ERCC6L2: variants seen among roughly 807,000 people sequenced by gnomAD.
ERCC6L2 encodes ERCC excision repair 6 like 2.
A neutral mutation model predicts 132.0 loss-of-function variants in ERCC6L2; 77 were observed. The observed-to-expected ratio is 0.58, with a 90% confidence interval of 0.49 to 0.71. The LOEUF (loss-of-function observed/expected upper bound fraction) is 0.71. Ranked by LOEUF, ERCC6L2 falls within the 30% of genes least tolerant of loss-of-function variation. ERCC6L2 has a pLI of 0.00. For synonymous variants in ERCC6L2, 583 were observed against 632.4 expected, an observed-to-expected ratio of 0.92 and a Z score of 1.17; for missense variants, 1,542 against 1,837.6, an observed-to-expected ratio of 0.84 and a Z score of 2.94.
intron 13 of ERCC6L2, among the ~76,000 whole-genome samples, chr9:95,959,518 A>G (rs1831798774): frequency 6.6e-6 from 1 of 152,086 alleles, no homozygotes; most frequent in African/African-American, 2.4e-5. Flanking sequence ...ACAAAAGCCA[A>G]AATTGACAGA....
rs768311990 is a variant in ERCC6L2 at position 95,928,073 on chromosome 9, T to C, written c.1534-6T>C. On this transcript the variant is annotated splice_region_variant and splice_polypyrimidine_tract_variant and intron_variant, in intron 9 of 18. Coordinates refer to ENST00000653738, the MANE Select transcript of ERCC6L2 (RefSeq NM_020207.7). ...GGTTCACTGATTTTCTGTGGTTCAT[T>C]TTCAGGTCCTTCAGCAGCTTTTAAA... The C allele has an allele frequency of 6.2e-7, 1 of 1,610,204 alleles. No homozygotes were observed. The highest frequency in any genetic ancestry group is 1.1e-5 in the South Asian group (1 of 90,924).
intron 19 of ERCC6L2, among the ~76,000 whole-genome samples, chr9:96,033,802 G>A (rs1267207022): frequency 6.6e-6 from 1 of 152,190 alleles, no homozygotes; most frequent in Non-Finnish European, 1.5e-5. Flanking sequence ...TTCCACACTC[G>A]ATTCAAATCC....
At chr9:96,020,116 A>C (rs1380810324), downstream of ERCC6L2, 1 of 153,142 alleles carries the variant, frequency 6.5e-6, no homozygotes, top group Non-Finnish European at 1.5e-5. Flanking sequence ...CGGGAGGCAG[A>C]GGTTGCAGTG....
Position 95,971,983 on chromosome 9 carries a change from G to A in ERCC6L2, c.2232G>A (p.Glu744=). Residue 744 remains glutamate (E), a synonymous_variant, in exon 16 of 19, where the codon GAG becomes GAA. Coordinates refer to ENST00000653738, the MANE Select transcript of ERCC6L2 (RefSeq NM_020207.7). ...QECRGTEQAA[E]PLAKEACDLC... is the part of the protein sequence containing the mutation. ...GCAGAGGTACAGAACAAGCTGCAGAGCCACTGGCAAAGGAAGCATGTGATC... is the reference window on the plus strand; with the variant it reads ...GCAGAGGTACAGAACAAGCTGCAGAACCACTGGCAAAGGAAGCATGTGATC... The A allele has an allele frequency of 7.7e-7, 1 of 1,304,098 alleles. No homozygotes were observed. The highest frequency in any genetic ancestry group is 1.0e-6 in the Non-Finnish European group (1 of 988,906). The allele number at this position is 1,304,098 out of a possible 1,614,324, so 80.8% of individuals were successfully genotyped here. A position where few individuals can be genotyped will look rare whatever the true frequency, so the allele number is the denominator to read the frequency against.
chr9:95,935,504 C>T (rs7041571), intron 11 of ERCC6L2, among the ~76,000 whole-genome samples: 3,671 of 152,034 alleles, frequency 0.024, 129 homozygotes, highest in African/African-American at 0.074. Context: ...TAGAGGGGTA[C>T]AGGAGGAGTT....
intron 2 of ERCC6L2, among the ~76,000 whole-genome samples, chr9:95,887,134 A>G (rs72758431): frequency 0.025 from 3,842 of 152,212 alleles, 80 homozygotes; most frequent in Non-Finnish European, 0.038. Context: ...CCTGCCTTAC[A>G]GAGTTCACAA....
rs752614369 is a variant in ERCC6L2, at chr9:96,012,461, T to C, written c.3911T>C (p.Ile1304Thr). The change falls in exon 19 of 19, where the codon ATA becomes ACA. Residue 1304 changes from isoleucine to threonine, a missense_variant. Ile to Thr is a moderately conservative substitution (Grantham distance 89, BLOSUM62 -1). This residue lies in a region of ERCC6L2 where 442 missense variants were observed against 583.4 expected (regional missense o/e 0.76). Coordinates refer to ENST00000653738, the MANE Select transcript of ERCC6L2 (RefSeq NM_020207.7). ...RKKSDKRESL[I>T]KPRLSDSETL... ...AAATCTGATAAAAGAGAATCTCTTA[T>C]AAAACCAAGGCTGTCAGATTCTGAA... 3.7e-6 allele frequency: 5 copies of C among 1,367,028 alleles called. No homozygotes were observed. The highest frequency in any genetic ancestry group is 2.1e-4 in the Middle Eastern group (1 of 4,766). The allele number at this position is 1,367,028 out of a possible 1,614,324, so 84.7% of individuals were successfully genotyped here. A position where few individuals can be genotyped will look rare whatever the true frequency, so the allele number is the denominator to read the frequency against.
intron 1 of ERCC6L2, 129 bp from the exon 2 acceptor site, chr9:95,880,740 A>G: frequency 1.4e-6 from 1 of 698,460 alleles, no homozygotes; most frequent in Non-Finnish European, 2.4e-6. Flanking sequence ...TACATGTTAG[A>G]ATTTATCTTG....
chr9:95,996,527 G>C (rs1195688325), intron 17 of ERCC6L2, among the ~76,000 whole-genome samples: 4 of 152,252 alleles, frequency 2.6e-5, no homozygotes, highest in African/African-American at 4.8e-5. Context: ...AGCTAGAGGG[G>C]AGAAGTCAAT....
At chr9:95,893,510 G>A (rs920653371) in intron 2 of ERCC6L2, among the ~76,000 whole-genome samples, 10 of 152,046 alleles carry the variant, frequency 6.6e-5, no homozygotes, top group Non-Finnish European at 1.0e-4. Flanking sequence ...ACCCTGAAAG[G>A]GTCTGTTACA....
At chr9:96,030,545 CA>C (rs1434414011) in intron 19 of ERCC6L2, among the ~76,000 whole-genome samples, 1 of 151,674 alleles carries the variant, frequency 6.6e-6, no homozygotes, top group Admixed American at 6.6e-5. Flanking sequence ...AAAAAAAATA[CA>C]AAAAAATTAG....
At chr9:95,990,261 ATG>A (rs550532048) in intron 17 of ERCC6L2, among the ~76,000 whole-genome samples, 14 of 152,328 alleles carry the variant, frequency 9.2e-5, no homozygotes, top group Non-Finnish European at 2.1e-4. Context: ...GGACCATTTC[ATG>A]TGTGTGGACA....
At chr9:95,948,950 G>C (rs181182963) in intron 12 of ERCC6L2, among the ~76,000 whole-genome samples, 5 of 152,128 alleles carry the variant, frequency 3.3e-5, no homozygotes, top group African/African-American at 1.2e-4. Context: ...TACTCCAAGA[G>C]TGAAAGTAAA....
chr9:95,920,552 G>T (rs1298549888), intron 6 of ERCC6L2, among the ~76,000 whole-genome samples: 2 of 152,086 alleles, frequency 1.3e-5, no homozygotes, highest in Non-Finnish European at 2.9e-5. Flanking sequence ...ACTGTGTGGG[G>T]AGTTAGCACC....
intron 13 of ERCC6L2, 71 bp from the exon 14 acceptor site, chr9:95,966,491 G>C (rs1832162647): frequency 7.5e-7 from 1 of 1,332,580 alleles, no homozygotes; most frequent in Non-Finnish European, 9.9e-7. Flanking sequence ...TATATACAGG[G>C]AATGCCAGGA....
chr9:96,035,212 C>T (rs1834505628), intron 19 of ERCC6L2, among the ~76,000 whole-genome samples: 1 of 152,218 alleles, frequency 6.6e-6, no homozygotes, highest in Non-Finnish European at 1.5e-5. Flanking sequence ...AGGAGGCAGA[C>T]AGATTCCTGA....
At position 95,923,120 on chromosome 9, in the gene ERCC6L2, C is replaced by T. The variant is rs760276251; in HGVS notation, c.1414-140C>T. The T allele has an allele frequency of 1.5e-3, 1,397 of 913,800 alleles. 31 individuals are homozygous for T. Among genetic ancestry groups the T allele is most frequent in the Admixed American group, 7.2e-4 (25 of 34,778 alleles). The allele number at this position is 913,800 out of a possible 1,614,324, so 56.6% of individuals were successfully genotyped here. ...ATATAACTTTAAGAGTTTTTGAATT[C>T]TTAGTCTGACTTAGGGAAGCAAAAA... On this transcript the variant is annotated intron_variant, in intron 8 of 18. Coordinates refer to ENST00000653738, the MANE Select transcript of ERCC6L2 (RefSeq NM_020207.7).
At chr9:95,885,033 G>A (rs1240951430) in intron 2 of ERCC6L2, among the ~76,000 whole-genome samples, 2 of 152,110 alleles carry the variant, frequency 1.3e-5, no homozygotes, top group Non-Finnish European at 2.9e-5. Context: ...ATGTACTTCT[G>A]TAAACACACA....
At chr9:96,029,892 TC>T (rs991728964) in intron 19 of ERCC6L2, among the ~76,000 whole-genome samples, 1 of 152,244 alleles carries the variant, frequency 6.6e-6, no homozygotes, top group African/African-American at 2.4e-5. Flanking sequence ...AGCAAACGAC[TC>T]GCTGTTGGGC....
Sources: gnomAD v4.1 joint callset for allele counts (sites outside exome capture counted in the v4.1 genomes callset) on GRCh38, gnomAD v4.1.1 for gene constraint, gnomAD v4.1.1 regional missense constraint, MANE v1.5 for transcripts, NCBI Gene and HGNC (gene_info 2026-07-23, HGNC 2026-07-21) for gene names.